Variants in CNTLN observed in about 807,000 individuals in gnomAD.
The protein encoded by CNTLN is centlein, centrosomal protein.
Under a neutral mutation model 180.0 loss-of-function variants are expected in CNTLN, and 212 were observed. The observed-to-expected ratio is 1.18, with a 90% confidence interval of 1.05 to 1.32. CNTLN has a LOEUF of 1.32. CNTLN is among the 40% of genes most tolerant of loss of function. The probability of loss-of-function intolerance (pLI) is 0.00; values close to 1 mark genes in which losing one functional copy is unlikely to be tolerated. For missense variants in CNTLN, 2,095 were observed against 1,610.9 expected (o/e 1.30, Z -5.14); for synonymous variants, 722 against 563.1 (o/e 1.28, Z -3.99).
chr9:17,244,696 G>C (rs1825701104), intron 5 of CNTLN, among the ~76,000 whole-genome samples: 1 of 152,018 alleles, frequency 6.6e-6, no homozygotes, highest in South Asian at 2.1e-4. Flanking sequence ...CTTCCTGGTT[G>C]TTTTGTGGTC....
intron 10 of CNTLN, among the ~76,000 whole-genome samples, chr9:17,333,670 A>C (rs771791542): frequency 3.2e-4 from 48 of 152,230 alleles, no homozygotes; most frequent in Non-Finnish European, 5.0e-4. Context: ...TTAAACATTA[A>C]GTTTTAGTTT....
intron 10 of CNTLN, among the ~76,000 whole-genome samples, chr9:17,337,114 G>C (rs545087351): frequency 7.2e-5 from 11 of 152,248 alleles, no homozygotes; most frequent in Non-Finnish European, 1.5e-4. Context: ...GTTCTTTTGA[G>C]AAGTGTCTGT....
At chr9:17,195,428 T>G (rs1339345390) in intron 2 of CNTLN, among the ~76,000 whole-genome samples, 1 of 151,836 alleles carries the variant, frequency 6.6e-6, no homozygotes, top group Non-Finnish European at 1.5e-5. Flanking sequence ...ATTGTTTTTT[T>G]CCTTTTTGAT....
At chr9:17,290,741 C>T (rs545662509) in intron 6 of CNTLN, among the ~76,000 whole-genome samples, 1,545 of 151,684 alleles carry the variant, frequency 0.01, 25 homozygotes, top group African/African-American at 0.034. Context: ...GTCTGAAAAG[C>T]GCAATATTCG....
chr9:17,156,453 G>A (rs1819296959), intron 2 of CNTLN, among the ~76,000 whole-genome samples: 1 of 152,018 alleles, frequency 6.6e-6, no homozygotes, highest in Non-Finnish European at 1.5e-5. Context: ...AACATGGATA[G>A]TCTACCTGCT....
At chr9:17,353,771 C>G (rs1283340975) in intron 12 of CNTLN, among the ~76,000 whole-genome samples, 1 of 152,022 alleles carries the variant, frequency 6.6e-6, no homozygotes, top group African/African-American at 2.4e-5. Flanking sequence ...TGACAGCGTG[C>G]TGGCAGCCCT....
chr9:17,147,265 A>G (rs547848230), intron 2 of CNTLN, among the ~76,000 whole-genome samples: 1 of 152,184 alleles, frequency 6.6e-6, no homozygotes, highest in African/African-American at 2.4e-5. Flanking sequence ...TGCTTGCCCA[A>G]CACTCTGAGT....
At chr9:17,346,821 C>T (rs1821938366) in intron 12 of CNTLN, among the ~76,000 whole-genome samples, 1 of 152,148 alleles carries the variant, frequency 6.6e-6, no homozygotes, top group Non-Finnish European at 1.5e-5. Context: ...CCCTACATTT[C>T]TTTTCCTTTG....
At position 17,363,306 on chromosome 9, in the gene CNTLN, C is replaced by T. The variant is rs1235389330; in HGVS notation, c.1887-3311C>T. ...CCTTGAGAAATCGCCACACTGTCTT[C>T]CACAATGGTTGAACTAATTTACATT... On this transcript the variant is annotated intron_variant, in intron 12 of 25. Transcript: ENST00000380647. Among the ~76,000 whole-genome samples, 4 of 152,168 alleles carry T rather than the reference C, an allele frequency of 2.6e-5. No individual in the cohort carries two copies. In the East Asian group the frequency reaches 7.7e-4, roughly 29 times the overall value.
chr9:17,164,774 T>C (rs2131609831), intron 2 of CNTLN, among the ~76,000 whole-genome samples: 1 of 151,720 alleles, frequency 6.6e-6, no homozygotes, highest in East Asian at 1.9e-4. Flanking sequence ...ATGTAAGACT[T>C]TAACCTCTCT....
At chr9:17,411,770 C>A (rs1208423908) in intron 16 of CNTLN, among the ~76,000 whole-genome samples, 1 of 152,102 alleles carries the variant, frequency 6.6e-6, no homozygotes, top group Admixed American at 6.6e-5. Context: ...CATCCCGAAA[C>A]CATCTCCACC....
chr9:17,208,864 C>T (rs764363332), intron 2 of CNTLN, among the ~76,000 whole-genome samples: 1 of 151,932 alleles, frequency 6.6e-6, no homozygotes, highest in Non-Finnish European at 1.5e-5. Context: ...ATTAATTAGT[C>T]TGGCTAAGGA....
At chr9:17,475,872 C>CAA (rs67818691) in intron 23 of CNTLN, among the ~76,000 whole-genome samples, 8 of 117,208 alleles carry the variant, frequency 6.8e-5, no homozygotes, top group South Asian at 5.4e-4. Context: ...GACTCTCTCT[C>CAA]AAAAAAAAAA....
intron 7 of CNTLN, chr9:17,302,024 A>G (rs1563976093): frequency 1.0e-6 from 1 of 985,076 alleles, no homozygotes; most frequent in Non-Finnish European, 1.2e-6. Context: ...TAAAGCTGCA[A>G]TAAACATTTC....
At chr9:17,341,270 ACTTG>A (rs1324724980) in intron 11 of CNTLN, among the ~76,000 whole-genome samples, 1 of 152,184 alleles carries the variant, frequency 6.6e-6, no homozygotes, top group Non-Finnish European at 1.5e-5. Context: ...TGATTGAAAA[ACTTG>A]CTTTTAAATA....
At chr9:17,316,861 A>C (rs978823783) in intron 8 of CNTLN, among the ~76,000 whole-genome samples, 1 of 152,092 alleles carries the variant, frequency 6.6e-6, no homozygotes, top group African/African-American at 2.4e-5. Context: ...CAGCAATCTC[A>C]TAGAAATTCA....
intron 24 of CNTLN, among the ~76,000 whole-genome samples, chr9:17,485,465 G>A (rs900185798): frequency 6.6e-6 from 1 of 152,044 alleles, no homozygotes; most frequent in African/African-American, 2.4e-5. Context: ...AAACGTCTGC[G>A]ACTTTCTATC....
At chr9:17,460,197 G>A (rs932382888) in intron 19 of CNTLN, among the ~76,000 whole-genome samples, 6 of 151,310 alleles carry the variant, frequency 4.0e-5, no homozygotes, top group African/African-American at 1.2e-4. Flanking sequence ...TTACTTGTCC[G>A]AGATCACACA....
intron 2 of CNTLN, 93 bp downstream of exon 2, chr9:17,143,469 A>G (rs1428934420): frequency 2.3e-6 from 2 of 875,944 alleles, no homozygotes; most frequent in East Asian, 2.5e-5. Flanking sequence ...AATCTCCTAA[A>G]GAGATTCATT....
Sources: allele counts gnomAD v4.1 joint callset (sites outside exome capture counted in the v4.1 genomes callset), GRCh38; gene constraint gnomAD v4.1.1; transcripts MANE v1.5; gene names NCBI Gene and HGNC (gene_info 2026-07-23, HGNC 2026-07-21).